The following COL15A1 variants were observed in gnomAD, a reference collection of about 807,000 sequenced individuals.
COL15A1 encodes the protein collagen type XV alpha 1 chain, also known as collagen alpha-1(XV) chain.
COL15A1 carries 111 observed loss-of-function variants against 165.9 expected under a neutral mutation model. That is an observed-to-expected ratio of 0.67 (90% confidence interval 0.57 to 0.78). COL15A1 has a LOEUF of 0.78. COL15A1 is among the 30% of genes least tolerant of loss of function. The pLI, the probability that COL15A1 is intolerant of heterozygous loss-of-function variation, is 0.00. For missense variants in COL15A1, 1,745 were observed against 1,789.7 expected, an observed-to-expected ratio of 0.98 and a Z score of 0.45; for synonymous variants, 659 against 674.8, an observed-to-expected ratio of 0.98 and a Z score of 0.36.
At chr9:98,965,779 A>C (rs750333593) in intron 2 of COL15A1, among the ~76,000 whole-genome samples, 1 of 152,198 alleles carries the variant, frequency 6.6e-6, no homozygotes, top group Non-Finnish European at 1.5e-5. Flanking sequence ...AAGCCCCTAC[A>C]GGACTTTCCT....
chr9:98,981,951 C>T (rs1344265792), intron 2 of COL15A1, among the ~76,000 whole-genome samples: 1 of 152,040 alleles, frequency 6.6e-6, no homozygotes, highest in East Asian at 1.9e-4. Context: ...TACAGGCACG[C>T]ACTACCACAT....
chr9:99,059,838 AT>A lies in COL15A1; in HGVS notation c.3338-46del, dbSNP rs1390457688. ...CCGGGAGTCAGCTGATACCTCAGAC[AT>A]TTTTCAGAGTGTGGTTTTTGTGTAA... is the stretch of plus-strand genomic sequence containing the variant. On this transcript the variant is annotated intron_variant, in intron 35 of 41. Coordinates refer to ENST00000375001, the MANE Select transcript of COL15A1 (RefSeq NM_001855.5). 1.9e-6 allele frequency: 3 copies of A among 1,606,018 alleles called. No homozygotes were observed. In the South Asian group the frequency reaches 3.3e-5, roughly 18 times the overall value.
At position 98,998,716 on chromosome 9, in the gene COL15A1, C is replaced by T. The variant is rs532645524; in HGVS notation, c.952+1635C>T. 1.1e-4 allele frequency among the ~76,000 whole-genome samples: 17 copies of T among 152,238 alleles called. No homozygotes were observed. The South Asian group carries it at 1.9e-3, about 17-fold the overall frequency. ...AGGGGTTAAGGTGAAGGGGCTGGGG[C>T]GAGGGCTTTCCTAGACTGAGAAGAT... On this transcript the variant is annotated intron_variant, in intron 6 of 41. Transcript: ENST00000375001.
chr9:99,010,416 T>C (rs60257852), intron 9 of COL15A1, among the ~76,000 whole-genome samples: 4,013 of 152,248 alleles, frequency 0.026, 176 homozygotes, highest in African/African-American at 0.093. Flanking sequence ...AACTTGCCTC[T>C]TGTGGACAAG....
intron 9 of COL15A1, among the ~76,000 whole-genome samples, chr9:99,011,493 C>G (rs536054882): frequency 1.3e-5 from 2 of 149,924 alleles, no homozygotes; most frequent in East Asian, 3.9e-4. Context: ...TTTCTTTAAG[C>G]TTTCTTACCA....
intron 2 of COL15A1, among the ~76,000 whole-genome samples, chr9:98,966,482 G>C (rs773490722): frequency 6.6e-5 from 10 of 152,330 alleles, no homozygotes; most frequent in South Asian, 2.1e-4. Flanking sequence ...ACCCGGATAG[G>C]CCATGAGCAG....
At chr9:98,955,033 A>T (rs1263373036) in intron 2 of COL15A1, among the ~76,000 whole-genome samples, 3 of 152,252 alleles carry the variant, frequency 2.0e-5, no homozygotes, top group African/African-American at 7.2e-5. Context: ...CTTGATGGTC[A>T]TCAGGCCTCC....
chr9:98,949,056 C>T (rs1837635204), intron 2 of COL15A1, among the ~76,000 whole-genome samples: 1 of 152,118 alleles, frequency 6.6e-6, no homozygotes, highest in Admixed American at 6.5e-5. Flanking sequence ...TCATCCCTTT[C>T]TTGCTTTTTA....
intron 14 of COL15A1, 106 bp from the exon 15 acceptor site, chr9:99,024,768 C>T: frequency 1.5e-6 from 2 of 1,368,416 alleles, no homozygotes; most frequent in Admixed American, 2.2e-5. Flanking sequence ...TCACCAAACC[C>T]TACATGTAGG....
intron 2 of COL15A1, among the ~76,000 whole-genome samples, chr9:98,984,238 G>A (rs1838273873): frequency 1.3e-5 from 2 of 152,166 alleles, no homozygotes; most frequent in African/African-American, 4.8e-5. Context: ...CCTCTCCCTG[G>A]GACTTGCCTT....
At chr9:99,051,396 T>C (rs1017678498) in intron 30 of COL15A1, among the ~76,000 whole-genome samples, 1 of 152,198 alleles carries the variant, frequency 6.6e-6, no homozygotes, top group Non-Finnish European at 1.5e-5. Flanking sequence ...CCTGGCTAGA[T>C]ACTGTAGGAG....
Position 99,066,911 on chromosome 9 carries a change from T to C in COL15A1, c.3681T>C (p.Phe1227=), listed in dbSNP as rs1323386123. Reference sequence around the variant, plus strand: ...ATTTGGCTGCTCTGAACATGCCATTTTCTGGGGACATTCGAGCTGATTTTC... The same window carrying C: ...ATTTGGCTGCTCTGAACATGCCATTCTCTGGGGACATTCGAGCTGATTTTC... ...ALHLAALNMP[F]SGDIRADFQC... is the part of the protein sequence containing the mutation. The change falls in exon 40 of 42, where the codon TTT becomes TTC. Residue 1227 remains phenylalanine (F), a synonymous_variant. Transcript: ENST00000375001. The C allele has an allele frequency of 6.2e-7, 1 of 1,613,922 alleles. No homozygotes were observed. The highest frequency in any genetic ancestry group is 2.2e-5 in the East Asian group (1 of 44,882).
intron 7 of COL15A1, among the ~76,000 whole-genome samples, chr9:99,001,445 A>G (rs1329730057): frequency 1.3e-5 from 2 of 152,222 alleles, no homozygotes; most frequent in African/African-American, 4.8e-5. Context: ...CCACAACGCC[A>G]GCTCATTCCT....
intron 2 of COL15A1, 29 bp from the exon 3 acceptor site, chr9:98,985,536 A>G (rs750164683): frequency 1.1e-5 from 17 of 1,589,458 alleles, no homozygotes; most frequent in Admixed American, 3.4e-5. Context: ...TATACCTGTA[A>G]AGCGTGGCCT....
At chr9:99,061,847 A>T in intron 36 of COL15A1, 124 bp from the exon 37 acceptor site, 1 of 1,025,346 alleles carries the variant, frequency 9.8e-7, no homozygotes, top group Non-Finnish European at 1.4e-6. Flanking sequence ...CTGGCACATT[A>T]ACAAGCCTCT....
intron 5 of COL15A1, among the ~76,000 whole-genome samples, chr9:98,996,621 T>C (rs1178504284): frequency 1.3e-5 from 2 of 152,262 alleles, no homozygotes; most frequent in Non-Finnish European, 2.9e-5. Flanking sequence ...CTAACAGATC[T>C]TTACTGGGCA....
At chr9:98,995,820 A>C (rs1160759433) in intron 5 of COL15A1, among the ~76,000 whole-genome samples, 1 of 152,248 alleles carries the variant, frequency 6.6e-6, no homozygotes, top group Admixed American at 6.5e-5. Flanking sequence ...TGTACTAAAT[A>C]TAAAGGTGTG....
chr9:99,063,463 A>G (rs1478243718), intron 39 of COL15A1, among the ~76,000 whole-genome samples: 1 of 152,214 alleles, frequency 6.6e-6, no homozygotes, highest in East Asian at 1.9e-4. Flanking sequence ...CTAGTATTAA[A>G]TTACAGGCAA....
intron 31 of COL15A1, among the ~76,000 whole-genome samples, chr9:99,054,065 G>T (rs1825669365): frequency 6.6e-6 from 1 of 152,218 alleles, no homozygotes; most frequent in Admixed American, 6.5e-5. Context: ...CTGTGGGGAT[G>T]TACAACACTT....
Sources: gnomAD v4.1 joint callset for allele counts (sites outside exome capture counted in the v4.1 genomes callset) on GRCh38, gnomAD v4.1.1 for gene constraint, MANE v1.5 for transcripts, NCBI Gene and HGNC (gene_info 2026-07-23, HGNC 2026-07-21) for gene names.